The following VWA3B variants were observed in gnomAD, a reference collection of about 807,000 sequenced individuals.
VWA3B encodes the protein von Willebrand factor A domain-containing protein 3B.
In VWA3B, 138 loss-of-function variants were observed where a neutral mutation model predicts 158.3. That is an observed-to-expected ratio of 0.87 (90% CI 0.76 to 1.00). The LOEUF is 1.00. Ranked by LOEUF, VWA3B falls within the 50% of genes least tolerant of loss-of-function variation. VWA3B has a pLI of 0.00. For synonymous variants in VWA3B, 596 were observed against 587.3 expected (o/e 1.01, Z -0.21); for missense variants, 1,555 against 1,565.1 (o/e 0.99, Z 0.11).
chr2:98,230,312 T>A, intron 16 of VWA3B, 105 bp downstream of exon 16: 1 of 1,216,224 alleles, frequency 8.2e-7, no homozygotes, highest in Non-Finnish European at 1.1e-6. Flanking sequence ...ACTAAACTTG[T>A]GGGTTTTTTA....
At chr2:98,297,799 T>A in intron 23 of VWA3B, 108 bp from the exon 24 acceptor site, 1 of 1,325,888 alleles carries the variant, frequency 7.5e-7, no homozygotes, top group Non-Finnish European at 9.7e-7. Flanking sequence ...GCACACTGAT[T>A]TAAACAGGCA....
intron 7 of VWA3B, among the ~76,000 whole-genome samples, chr2:98,150,900 TGAA>T (rs768673803): frequency 2.0e-5 from 3 of 152,218 alleles, no homozygotes; most frequent in Non-Finnish European, 2.9e-5. Flanking sequence ...GTTTGCCTTC[TGAA>T]GCTTCTCACC....
Position 98,313,214 on chromosome 2 carries a change from A to G in VWA3B, c.*865A>G, listed in dbSNP as rs1024162510. 2 of 152,180 alleles carry G rather than the reference A, an allele frequency of 1.3e-5. No individual in the cohort carries two copies. Among genetic ancestry groups the G allele is most frequent in the African/African-American group, 4.8e-5 (2 of 41,428 alleles). 9.4% of individuals were successfully genotyped at this position (152,180 alleles called of 1,614,324 possible). A position where few individuals can be genotyped will look rare whatever the true frequency, so the allele number is the denominator to read the frequency against. ...CAATCTAATTAAAAGTGGCATTCAC[A>G]TTCCTGAAAGCTAGGAGTAGCCAGG... On this transcript the variant is annotated 3_prime_UTR_variant, in exon 28 of 28. Transcript: ENST00000477737.
At chr2:98,166,440 A>G (rs1402964246) in intron 8 of VWA3B, among the ~76,000 whole-genome samples, 1 of 152,178 alleles carries the variant, frequency 6.6e-6, no homozygotes, top group Non-Finnish European at 1.5e-5. Context: ...AAGAATAGGG[A>G]GAGACACCTG....
At chr2:98,240,700 A>G (rs1686021767) in intron 19 of VWA3B, among the ~76,000 whole-genome samples, 1 of 152,146 alleles carries the variant, frequency 6.6e-6, no homozygotes, top group South Asian at 2.1e-4. Flanking sequence ...TATTCAGCCT[A>G]TTCTTTCCTC....
intron 8 of VWA3B, among the ~76,000 whole-genome samples, chr2:98,163,286 C>G (rs1472969215): frequency 6.6e-6 from 1 of 152,076 alleles, no homozygotes; most frequent in South Asian, 2.1e-4. Context: ...ACACCTGTTA[C>G]CCCAGCACTT....
intron 19 of VWA3B, among the ~76,000 whole-genome samples, chr2:98,238,965 TA>T (rs1314577233): frequency 3.9e-5 from 6 of 152,066 alleles, no homozygotes; most frequent in Admixed American, 1.3e-4. Flanking sequence ...ATATATGCCT[TA>T]AAAAATGCAA....
intron 19 of VWA3B, among the ~76,000 whole-genome samples, chr2:98,245,978 G>C (rs1686365357): frequency 6.6e-6 from 1 of 152,140 alleles, no homozygotes; most frequent in African/African-American, 2.4e-5. Flanking sequence ...GAAGCCACAT[G>C]CTGAATTCAT....
At chr2:98,272,262 G>A (rs1688247661) in intron 22 of VWA3B, among the ~76,000 whole-genome samples, 1 of 152,214 alleles carries the variant, frequency 6.6e-6, no homozygotes, top group Non-Finnish European at 1.5e-5. Flanking sequence ...ATTAATTTGC[G>A]TGAGTGGCAC....
intron 16 of VWA3B, 106 bp downstream of exon 16, chr2:98,230,313 G>T: frequency 8.4e-7 from 1 of 1,197,334 alleles, no homozygotes; most frequent in Non-Finnish European, 1.1e-6. Flanking sequence ...CTAAACTTGT[G>T]GGTTTTTTAA....
At chr2:98,247,292 C>T (rs2105785682) in intron 19 of VWA3B, among the ~76,000 whole-genome samples, 1 of 152,166 alleles carries the variant, frequency 6.6e-6, no homozygotes, top group Admixed American at 6.5e-5. Context: ...GCCACCATGC[C>T]CAGCCAACAA....
chr2:98,091,202 A>G (rs1682267051), intron 1 of VWA3B, among the ~76,000 whole-genome samples: 1 of 152,174 alleles, frequency 6.6e-6, no homozygotes, highest in Admixed American at 6.5e-5. Flanking sequence ...ACCTGGCTGG[A>G]GGAGGTTAAT....
intron 5 of VWA3B, among the ~76,000 whole-genome samples, chr2:98,127,411 C>A (rs185454367): frequency 6.6e-6 from 1 of 152,036 alleles, no homozygotes; most frequent in African/African-American, 2.4e-5. Flanking sequence ...GTGGAAGCAC[C>A]GTCCCGGGAG....
chr2:98,290,606 T>C lies in VWA3B; in HGVS notation c.3141T>C (p.Asn1047=), dbSNP rs1689430980. 1.9e-6 allele frequency: 3 copies of C among 1,595,294 alleles called. No individual in the cohort carries two copies. The South Asian group carries it at 3.5e-5, about 19-fold the overall frequency. Residue 1047 remains asparagine, a synonymous_variant, in exon 23 of 28, where the codon AAT becomes AAC. Transcript: ENST00000477737. ...GQKVIARCDE[N]GFYFPGVVKK... ...AGGTTATTGCAAGATGTGATGAAAA[T>C]GGCTTTTATTTTCCAGGTAGTTTTT...
chr2:98,104,713 C>A (rs1250720380), intron 2 of VWA3B, among the ~76,000 whole-genome samples: 2 of 152,172 alleles, frequency 1.3e-5, no homozygotes, highest in Admixed American at 1.3e-4. Flanking sequence ...TTTGTCCAAT[C>A]TTTTTCTTTC....
Position 98,193,027 on chromosome 2 carries a change from G to A in VWA3B, c.1596G>A (p.Gln532=). The A allele has an allele frequency of 6.2e-7, 1 of 1,612,446 alleles. No individual in the cohort carries two copies. Among genetic ancestry groups the A allele is most frequent in the Non-Finnish European group, 8.5e-7 (1 of 1,179,076 alleles). Residue 532 remains glutamine (Q), a synonymous_variant, in exon 11 of 28, where the codon CAG becomes CAA. Transcript: ENST00000477737. The stretch of plus-strand genomic sequence containing the variant: ...ACTTGGTGAAGGACAAGATCATTCA[G>A]TTCATACAGGTTAGATGGAACTGTC... ...KLDLVKDKII[Q]FIQEQLKYKS...
At position 98,162,873 on chromosome 2, in the gene VWA3B, G is replaced by A. The variant is rs1678736003; in HGVS notation, c.1011G>A (p.Val337=). 5 of 1,613,814 alleles carry A rather than the reference G, an allele frequency of 3.1e-6. No individual in the cohort carries two copies. The highest frequency in any genetic ancestry group is 1.1e-5 in the South Asian group (1 of 91,060). ...LPPGAGVRED[V]FLVWQEMEEA... ...TAGGAGCTGGAGTCAGAGAGGACGT[G>A]TTTCTCGTTTGGCAAGAGATGGAGG... Residue 337 remains valine (V), a synonymous_variant, in exon 8 of 28, where the codon GTG becomes GTA. Transcript: ENST00000477737.
chr2:98,280,075 C>T (rs1260925585), intron 22 of VWA3B, among the ~76,000 whole-genome samples: 1 of 152,232 alleles, frequency 6.6e-6, no homozygotes, highest in Non-Finnish European at 1.5e-5. Flanking sequence ...TTTTGTTCAT[C>T]TCCGGAGTAG....
At position 98,270,780 on chromosome 2, in the gene VWA3B, C is replaced by A. The variant is rs371106176; in HGVS notation, c.2942C>A (p.Ser981Ter). 2.5e-6 allele frequency: 4 copies of A among 1,614,116 alleles called. No homozygotes were observed. The East Asian group carries it at 8.9e-5, about 36-fold the overall frequency. Reference protein sequence around the residue: ...LNWPISLKELSMLESEILAGK... With the variant: ...LNWPISLKEL Reference sequence around the variant, plus strand: ...TGGCCCATTTCACTGAAAGAGCTGTCGATGCTGGAAAGTGAAATCCTAGCT... The same window carrying A: ...TGGCCCATTTCACTGAAAGAGCTGTAGATGCTGGAAAGTGAAATCCTAGCT... Residue 981 changes from serine (S) to a stop codon, truncating the protein, a stop_gained, in exon 22 of 28, where the codon TCG (serine) becomes TAG (stop). Transcript: ENST00000477737. LOFTEE classifies it high-confidence loss of function.
Sources: gnomAD v4.1 joint callset for allele counts (sites outside exome capture counted in the v4.1 genomes callset) on GRCh38, gnomAD v4.1.1 for gene constraint, MANE v1.5 for transcripts, NCBI Gene and HGNC (gene_info 2026-07-23, HGNC 2026-07-21) for gene names.